PARD3: variants seen among roughly 807,000 people sequenced by gnomAD.
PARD3 encodes the protein par-3 family cell polarity regulator.
PARD3 carries 75 observed loss-of-function variants against 155.4 expected under a neutral mutation model. The observed-to-expected ratio is 0.48, with a 90% CI of 0.40 to 0.58. The LOEUF is 0.58. Ranked by LOEUF, PARD3 falls within the 20% of genes least tolerant of loss-of-function variation. The probability of loss-of-function intolerance (pLI) is 0.00; values close to 1 mark genes in which losing one functional copy is unlikely to be tolerated. For synonymous variants in PARD3, 576 were observed against 610.5 expected (o/e 0.94, Z 0.83); for missense variants, 1,642 against 1,721.7 (o/e 0.95, Z 0.82).
chr10:34,413,694 A>G (rs1845361926), intron 5 of PARD3, among the ~76,000 whole-genome samples: 1 of 152,128 alleles, frequency 6.6e-6, no homozygotes, highest in Non-Finnish European at 1.5e-5. Flanking sequence ...TACGTGGCCA[A>G]ATCATTTTGG....
intron 5 of PARD3, among the ~76,000 whole-genome samples, chr10:34,425,999 G>A (rs1208100098): frequency 2.0e-5 from 3 of 152,162 alleles, no homozygotes; most frequent in Non-Finnish European, 4.4e-5. Context: ...TCTGAGGACA[G>A]AGTTGAATTT....
chr10:34,736,071 G>A (rs549455563), intron 1 of PARD3, among the ~76,000 whole-genome samples: 7 of 151,570 alleles, frequency 4.6e-5, no homozygotes, highest in East Asian at 3.9e-4. Context: ...TCGCTCTGCC[G>A]CCCAGGCTGG....
At chr10:34,155,981 C>CT (rs1453019238) in intron 22 of PARD3, among the ~76,000 whole-genome samples, 1 of 152,152 alleles carries the variant, frequency 6.6e-6, no homozygotes, top group Admixed American at 6.5e-5. Context: ...CCCACCTGAT[C>CT]TGGAGGCTGC....
rs1275155241 is a variant in PARD3, at chr10:34,450,417, T to C, written c.614A>G (p.Asp205Gly). ...KDENYRSLPR[D>G]TSNWSNQFQR... The stretch of plus-strand genomic sequence containing the variant: ...AAATTGGTTAGACCAGTTACTAGTA[T>C]CCCGCGGGAGGCTTCTGTAGTTTTC... Residue 205 changes from aspartate to glycine, a missense_variant, in exon 5 of 25, where the codon GAT (aspartate) becomes GGT (glycine). Around this residue, in one of 3 missense-constraint regions of PARD3, gnomAD observed 1,529 missense variants for 1,587.3 expected, o/e 0.96. Transcript: ENST00000374788. 1 of 1,613,728 alleles carries C rather than the reference T, an allele frequency of 6.2e-7. No homozygotes were observed. Among genetic ancestry groups the C allele is most frequent in the Admixed American group, 1.7e-5 (1 of 59,980 alleles).
At chr10:34,517,772 T>C (rs2081880771) in intron 2 of PARD3, among the ~76,000 whole-genome samples, 1 of 152,090 alleles carries the variant, frequency 6.6e-6, no homozygotes, top group Non-Finnish European at 1.5e-5. Context: ...TAAAAGCAGA[T>C]GTTTTCACAG....
chr10:34,579,962 A>G (rs1017853852), intron 2 of PARD3, among the ~76,000 whole-genome samples: 6 of 151,508 alleles, frequency 4.0e-5, no homozygotes, highest in Non-Finnish European at 7.4e-5. Flanking sequence ...CCCAGGCTGG[A>G]GTGCAGTGGT....
chr10:34,253,653 T>C (rs570892763), intron 22 of PARD3, among the ~76,000 whole-genome samples: 3 of 152,290 alleles, frequency 2.0e-5, no homozygotes, highest in East Asian at 3.9e-4. Flanking sequence ...CAATCCTTAA[T>C]TGCTGAAATA....
chr10:34,162,115 C>G (rs1949311313), intron 22 of PARD3, among the ~76,000 whole-genome samples: 1 of 151,028 alleles, frequency 6.6e-6, no homozygotes, highest in South Asian at 2.2e-4. Flanking sequence ...CCGACCCACC[C>G]CCCAAGTATT....
At chr10:34,721,790 A>G (rs1232219278) in intron 1 of PARD3, among the ~76,000 whole-genome samples, 1 of 152,248 alleles carries the variant, frequency 6.6e-6, no homozygotes, top group African/African-American at 2.4e-5. Flanking sequence ...TTATGTGAAA[A>G]ATATATATTT....
chr10:34,709,245 A>G (rs558365136), intron 1 of PARD3, among the ~76,000 whole-genome samples: 9 of 152,208 alleles, frequency 5.9e-5, no homozygotes, highest in Non-Finnish European at 1.2e-4. Context: ...TTTATACAAT[A>G]TTTTAAATAA....
chr10:34,411,962 G>A (rs903957934), intron 5 of PARD3, among the ~76,000 whole-genome samples: 1 of 120,482 alleles, frequency 8.3e-6, no homozygotes, highest in Non-Finnish European at 1.7e-5. Context: ...GTGTGTGTGT[G>A]TATTTCCTCC....
At chr10:34,313,829 G>T (rs1957837128) in intron 20 of PARD3, among the ~76,000 whole-genome samples, 1 of 152,120 alleles carries the variant, frequency 6.6e-6, no homozygotes, top group Non-Finnish European at 1.5e-5. Context: ...TGTTTTTAAA[G>T]GAAAACATAT....
At chr10:34,171,007 T>C (rs1367141265) in intron 22 of PARD3, among the ~76,000 whole-genome samples, 2 of 152,202 alleles carry the variant, frequency 1.3e-5, no homozygotes, top group Admixed American at 1.3e-4. Flanking sequence ...ACTCACTAAA[T>C]TTAGGGATAG....
intron 6 of PARD3, 101 bp downstream of exon 6, chr10:34,401,724 TA>T: frequency 1.2e-6 from 1 of 813,424 alleles, no homozygotes; most frequent in South Asian, 1.4e-5. Context: ...TGTTTTTAAC[TA>T]AGCACAAACA....
At chr10:34,657,267 A>G (rs1454071136) in intron 2 of PARD3, among the ~76,000 whole-genome samples, 1 of 152,164 alleles carries the variant, frequency 6.6e-6, no homozygotes, top group East Asian at 1.9e-4. Flanking sequence ...GATCGAGAAC[A>G]TGCACACTTT....
intron 1 of PARD3, among the ~76,000 whole-genome samples, chr10:34,766,140 A>C (rs530401588): frequency 1.4e-4 from 22 of 152,358 alleles, no homozygotes; most frequent in Admixed American, 5.9e-4. Context: ...TTACCAAGTC[A>C]ATCAACACGT....
chr10:34,138,950 A>C (rs1012651688), intron 22 of PARD3, among the ~76,000 whole-genome samples: 3 of 143,396 alleles, frequency 2.1e-5, no homozygotes, highest in Admixed American at 7.0e-5. Flanking sequence ...GAAATAATGC[A>C]ATACCACACT....
chr10:34,788,164 T>C (rs1038114112), intron 1 of PARD3, among the ~76,000 whole-genome samples: 4 of 152,102 alleles, frequency 2.6e-5, no homozygotes, highest in Admixed American at 6.5e-5. Context: ...TAGGAAGTTA[T>C]CTAGACATCA....
At chr10:34,495,830 A>G (rs1278273639) in intron 3 of PARD3, among the ~76,000 whole-genome samples, 1 of 132,802 alleles carries the variant, frequency 7.5e-6, no homozygotes, top group Non-Finnish European at 1.5e-5. Flanking sequence ...GATATCTTTT[A>G]AAAAGAAAAA....
Sources: allele counts gnomAD v4.1 joint callset (sites outside exome capture counted in the v4.1 genomes callset), GRCh38; gene constraint gnomAD v4.1.1; regional missense constraint gnomAD v4.1.1; transcripts MANE v1.5; gene names NCBI Gene and HGNC (gene_info 2026-07-23, HGNC 2026-07-21).